The following KIF13A variants were observed in gnomAD, a reference collection of about 807,000 sequenced individuals.
The protein encoded by KIF13A is kinesin-like protein KIF13A.
KIF13A carries 79 observed loss-of-function variants against 212.2 expected under a neutral mutation model. The observed-to-expected ratio is 0.37, with a 90% CI of 0.31 to 0.45. KIF13A has a LOEUF of 0.45. KIF13A is among the 20% of genes least tolerant of loss of function. KIF13A has a pLI of 1.00. For missense variants in KIF13A, 1,901 were observed against 2,209.0 expected (o/e 0.86, Z 2.79); for synonymous variants, 789 against 808.6 (o/e 0.98, Z 0.41).
intron 11 of KIF13A, among the ~76,000 whole-genome samples, chr6:17,835,800 C>T (rs1340944240): frequency 1.3e-5 from 2 of 152,166 alleles, no homozygotes; most frequent in Non-Finnish European, 2.9e-5. Flanking sequence ...ATAAAATATG[C>T]TGATGGATAG....
chr6:17,924,661 G>C (rs970023913), intron 2 of KIF13A, among the ~76,000 whole-genome samples: 22 of 152,098 alleles, frequency 1.4e-4, no homozygotes, highest in Non-Finnish European at 3.2e-4. Context: ...AAATGCAACA[G>C]AACAAGGACA....
intron 4 of KIF13A, among the ~76,000 whole-genome samples, chr6:17,870,164 T>G (rs1001870188): frequency 6.6e-6 from 1 of 152,226 alleles, no homozygotes; most frequent in East Asian, 1.9e-4. Context: ...AGCATCATAG[T>G]ATTTGTATGA....
intron 14 of KIF13A, among the ~76,000 whole-genome samples, chr6:17,827,025 G>A (rs1047255574): frequency 6.6e-6 from 1 of 151,354 alleles, no homozygotes; most frequent in Admixed American, 6.6e-5. Context: ...TCTTGCCACT[G>A]TACTCCAGCC....
At chr6:17,802,902 A>C (rs1581349000) in intron 20 of KIF13A, among the ~76,000 whole-genome samples, 1 of 147,826 alleles carries the variant, frequency 6.8e-6, no homozygotes, top group African/African-American at 2.5e-5. Context: ...GCTCATCACC[A>C]TGCCTGGTTA....
At position 17,826,012 on chromosome 6, in the gene KIF13A, T is replaced by C. The variant is rs767630013; in HGVS notation, c.1619+26A>G. On this transcript the variant is annotated intron_variant, in intron 15 of 38. Transcript: ENST00000259711. This position sits in a 1 kb window ranked among gnomAD's most constrained non-coding sequence, Gnocchi z 4.7. The stretch of plus-strand genomic sequence containing the variant: ...ATAACAGAAAAAATGTATACGAAAA[T>C]ATATTACAGAACACAAAGATGTTAC... 1 of 1,611,340 alleles carries C rather than the reference T, an allele frequency of 6.2e-7. No individual in the cohort carries two copies. The highest frequency in any genetic ancestry group is 8.5e-7 in the Non-Finnish European group (1 of 1,177,904).
At chr6:17,983,269 A>T (rs904074781) in intron 2 of KIF13A, among the ~76,000 whole-genome samples, 1 of 152,108 alleles carries the variant, frequency 6.6e-6, no homozygotes, top group African/African-American at 2.4e-5. Flanking sequence ...GCACATATAT[A>T]TCTGGAAAAA....
At chr6:17,775,662 A>G (rs935823132) in intron 34 of KIF13A, among the ~76,000 whole-genome samples, 1 of 151,950 alleles carries the variant, frequency 6.6e-6, no homozygotes, top group Non-Finnish European at 1.5e-5. Context: ...CAGGTTTTCT[A>G]TTTCTTCTTG....
chr6:17,816,149 C>T lies in KIF13A; in HGVS notation c.2000+871G>A, dbSNP rs1053053415. On this transcript the variant is annotated intron_variant, in intron 17 of 38. Coordinates refer to ENST00000259711, the MANE Select transcript of KIF13A (RefSeq NM_022113.6). The surrounding 1 kb of genome is among the most constrained non-coding windows in gnomAD (Gnocchi z 4.3). The stretch of plus-strand genomic sequence containing the variant: ...GGCCAGGCTGGTCTGGAACTCCTGA[C>T]CTCAGGCGATCCGCTGCCTTGGCCT... Among the ~76,000 whole-genome samples, 1 of 151,774 alleles carries T rather than the reference C, an allele frequency of 6.6e-6. No individual in the cohort carries two copies. The highest frequency in any genetic ancestry group is 6.6e-5 in the Admixed American group (1 of 15,228).
chr6:17,943,871 T>C (rs934681670), intron 2 of KIF13A, among the ~76,000 whole-genome samples: 2 of 151,780 alleles, frequency 1.3e-5, no homozygotes, highest in African/African-American at 2.4e-5. Flanking sequence ...ATAGAAGGAG[T>C]TGAGAACACC....
intron 4 of KIF13A, among the ~76,000 whole-genome samples, chr6:17,860,365 T>C (rs945515646): frequency 6.6e-6 from 1 of 151,508 alleles, no homozygotes; most frequent in Non-Finnish European, 1.5e-5. Context: ...CTTTTTGTAT[T>C]TTTAGTAGAG....
chr6:17,850,741 T>C lies in KIF13A; in HGVS notation c.583-284A>G, dbSNP rs752228830. On this transcript the variant is annotated intron_variant, in intron 7 of 38. Coordinates refer to ENST00000259711, the MANE Select transcript of KIF13A (RefSeq NM_022113.6). This position sits in a 1 kb window ranked among gnomAD's most constrained non-coding sequence, Gnocchi z 6.2. Reference sequence around the variant, plus strand: ...GGGTTCCTGGGATAGCTAATATTTATTGAGCACTCCGATAATCAATAATAG... The same window carrying C: ...GGGTTCCTGGGATAGCTAATATTTACTGAGCACTCCGATAATCAATAATAG... Among the ~76,000 whole-genome samples the C allele has an allele frequency of 1.5e-4, 23 of 152,190 alleles. No individual in the cohort carries two copies. Among genetic ancestry groups the C allele is most frequent in the Non-Finnish European group, 2.9e-4 (20 of 68,040 alleles).
chr6:17,797,281 G>T (rs181087097), intron 22 of KIF13A, among the ~76,000 whole-genome samples: 1 of 151,888 alleles, frequency 6.6e-6, no homozygotes, highest in Admixed American at 6.6e-5. Flanking sequence ...CACCTGCCTC[G>T]GCCTCCCACA....
rs373991787 is a variant in KIF13A, at chr6:17,799,483, A to G, written c.2617-44T>C. ...CAAATAAAACTCCAATGAACACTAAACATTCTTTCATTTCAGCTACCTCAA... is the reference window on the plus strand; with the variant it reads ...CAAATAAAACTCCAATGAACACTAAGCATTCTTTCATTTCAGCTACCTCAA... On this transcript the variant is annotated intron_variant, in intron 21 of 38. Transcript: ENST00000259711. This position sits in a 1 kb window ranked among gnomAD's most constrained non-coding sequence, Gnocchi z 4.4. 1.4e-5 allele frequency: 20 copies of G among 1,398,388 alleles called. No homozygotes were observed. In the African/African-American group the frequency reaches 2.8e-4, roughly 19 times the overall value. 86.6% of individuals were successfully genotyped at this position (1,398,388 alleles called of 1,614,324 possible). A position where few individuals can be genotyped will look rare whatever the true frequency, so the allele number is the denominator to read the frequency against.
intron 9 of KIF13A, among the ~76,000 whole-genome samples, chr6:17,847,905 G>A (rs989744475): frequency 7.9e-5 from 12 of 152,094 alleles, no homozygotes; most frequent in African/African-American, 2.4e-4. Context: ...TCTGTCTCCC[G>A]GGTTCAAGAG....
intron 38 of KIF13A, chr6:17,770,794 A>G: frequency 4.1e-6 from 4 of 972,708 alleles, no homozygotes; most frequent in Non-Finnish European, 5.0e-6. Context: ...GAATCTAGGC[A>G]ATATGTATAG....
chr6:17,852,647 G>A (rs1046092271), intron 6 of KIF13A, among the ~76,000 whole-genome samples: 1 of 152,066 alleles, frequency 6.6e-6, no homozygotes, highest in Non-Finnish European at 1.5e-5. Context: ...TGAATTTCTA[G>A]GCTCAAGCAA....
In KIF13A at chr6:17,822,680, A is replaced by G. The variant is rs530789828; in HGVS notation, c.1786+3088T>C. Among the ~76,000 whole-genome samples the G allele has an allele frequency of 5.1e-4, 78 of 152,354 alleles. No individual in the cohort carries two copies. The South Asian group carries it at 5.4e-3, about 11-fold the overall frequency. On this transcript the variant is annotated intron_variant, in intron 16 of 38. Coordinates refer to ENST00000259711, the MANE Select transcript of KIF13A (RefSeq NM_022113.6). ...CCGCTGAAGCAATGAGCTGTCTCCA[A>G]TGGGAGTTCCTCCACCTGGAGTTTG...
At chr6:17,905,673 G>A (rs1294404668) in intron 2 of KIF13A, among the ~76,000 whole-genome samples, 1 of 152,136 alleles carries the variant, frequency 6.6e-6, no homozygotes, top group Non-Finnish European at 1.5e-5. Context: ...GCAGAATTTA[G>A]GAGGACTTAA....
rs1015331996 is a variant in KIF13A at position 17,819,659 on chromosome 6, A to G, written c.1787-2426T>C. Reference sequence around the variant, plus strand: ...AACATAGATCCTGGGTGGGTAAAATATTATCTATATAATAACAACCTATGT... The same window carrying G: ...AACATAGATCCTGGGTGGGTAAAATGTTATCTATATAATAACAACCTATGT... On this transcript the variant is annotated intron_variant, in intron 16 of 38. Transcript: ENST00000259711. Among the ~76,000 whole-genome samples the G allele has an allele frequency of 4.9e-4, 74 of 152,274 alleles. 1 individual carries two copies. Among genetic ancestry groups the G allele is most frequent in the Non-Finnish European group, 1.2e-4 (8 of 68,026 alleles).
Sources: allele counts gnomAD v4.1 joint callset (sites outside exome capture counted in the v4.1 genomes callset), GRCh38; gene constraint gnomAD v4.1.1; non-coding constraint Gnocchi (gnomAD v3.1); transcripts MANE v1.5; gene names NCBI Gene and HGNC (gene_info 2026-07-23, HGNC 2026-07-21).